The following WWOX variants were observed in gnomAD, a reference collection of about 807,000 sequenced individuals.
The protein encoded by WWOX is WW domain containing oxidoreductase.
A neutral mutation model predicts 46.2 loss-of-function variants in WWOX; 69 were observed. That is an observed-to-expected ratio of 1.49 (90% CI 1.23 to 1.82). The LOEUF (loss-of-function observed/expected upper bound fraction) is 1.82, where lower values mean the gene tolerates loss of function less well. Among genes scored for constraint, WWOX ranks in the 40% most tolerant of loss-of-function variants. WWOX has a pLI of 0.00. For synonymous variants in WWOX, 359 were observed against 202.6 expected (o/e 1.77, Z -6.56); for missense variants, 919 against 542.6 (o/e 1.69, Z -6.89).
intron 5 of WWOX, among the ~76,000 whole-genome samples, chr16:78,364,224 T>G (rs2081480246): frequency 6.6e-6 from 1 of 152,216 alleles, no homozygotes; most frequent in Non-Finnish European, 1.5e-5. Context: ...GCTTCTGGTA[T>G]ATTTTCTTAC....
chr16:78,621,581 G>A (rs998618577), intron 8 of WWOX, among the ~76,000 whole-genome samples: 1 of 68,866 alleles, frequency 1.5e-5, no homozygotes, highest in African/African-American at 5.5e-5. Context: ...TTAACCTTGT[G>A]TTGTTCTAAT....
At chr16:79,137,760 C>A (rs917214571) in intron 8 of WWOX, among the ~76,000 whole-genome samples, 1 of 152,064 alleles carries the variant, frequency 6.6e-6, no homozygotes, top group Admixed American at 6.5e-5. Context: ...TGGCCTCTGT[C>A]CCCTCTGTGT....
intron 8 of WWOX, among the ~76,000 whole-genome samples, chr16:78,562,303 T>C (rs1567646168): frequency 6.6e-6 from 1 of 152,200 alleles, no homozygotes; most frequent in Non-Finnish European, 1.5e-5. Context: ...GCTCACTTTA[T>C]CTCAAAAACC....
intron 4 of WWOX, among the ~76,000 whole-genome samples, chr16:78,128,779 A>G (rs1049906079): frequency 6.6e-6 from 1 of 151,820 alleles, no homozygotes; most frequent in African/African-American, 2.4e-5. Context: ...ATCTTGCAAT[A>G]TAATGTCTTC....
intron 8 of WWOX, among the ~76,000 whole-genome samples, chr16:78,457,416 G>A (rs16947560): frequency 0.18 from 28,049 of 152,078 alleles, 3,740 homozygotes; most frequent in African/African-American, 0.37. Flanking sequence ...GTATTGCTTC[G>A]TGTCTTCCAC....
intron 8 of WWOX, among the ~76,000 whole-genome samples, chr16:78,797,009 A>C (rs2050756249): frequency 6.6e-6 from 1 of 151,870 alleles, no homozygotes. Context: ...TATTTTTAGT[A>C]GTGCCGGGGT....
At chr16:78,845,537 T>C (rs1416736374) in intron 8 of WWOX, among the ~76,000 whole-genome samples, 1 of 152,216 alleles carries the variant, frequency 6.6e-6, no homozygotes, top group Non-Finnish European at 1.5e-5. Flanking sequence ...AAAGAAAGTG[T>C]AATTTTCCCC....
At chr16:79,100,699 G>C (rs1242457435) in intron 8 of WWOX, among the ~76,000 whole-genome samples, 3 of 152,204 alleles carry the variant, frequency 2.0e-5, no homozygotes, top group South Asian at 4.2e-4. Flanking sequence ...TCAGCCTAAG[G>C]GGGTGCTTCA....
chr16:78,404,476 C>A (rs764801632), intron 6 of WWOX, among the ~76,000 whole-genome samples: 4 of 152,068 alleles, frequency 2.6e-5, no homozygotes, highest in Non-Finnish European at 5.9e-5. Context: ...AATAATGCCA[C>A]CCCAACCCTC....
intron 8 of WWOX, among the ~76,000 whole-genome samples, chr16:78,493,733 A>G (rs2151464903): frequency 6.6e-6 from 1 of 152,252 alleles, no homozygotes; most frequent in South Asian, 2.1e-4. Flanking sequence ...TCTTACCCCC[A>G]TTGTAGAGAT....
chr16:78,590,909 G>A (rs1435007816), intron 8 of WWOX, among the ~76,000 whole-genome samples: 1 of 152,176 alleles, frequency 6.6e-6, no homozygotes, highest in African/African-American at 2.4e-5. Context: ...AGGACACTGT[G>A]CATTTCTAAA....
intron 7 of WWOX, among the ~76,000 whole-genome samples, chr16:78,431,691 C>CTTTTTTTT (rs200599534): frequency 7.0e-6 from 1 of 143,586 alleles, no homozygotes; most frequent in Non-Finnish European, 1.5e-5. Context: ...GTAGCCAATC[C>CTTTTTTTT]TTTTTTTTTT....
At chr16:79,122,669 T>G (rs1290224396) in intron 8 of WWOX, among the ~76,000 whole-genome samples, 1 of 152,074 alleles carries the variant, frequency 6.6e-6, no homozygotes, top group African/African-American at 2.4e-5. Flanking sequence ...TTAATTTGTT[T>G]TTGGGTCTGC....
At chr16:78,106,441 A>C (rs1235374182) in intron 1 of WWOX, among the ~76,000 whole-genome samples, 1 of 53,694 alleles carries the variant, frequency 1.9e-5, no homozygotes, top group Non-Finnish European at 4.2e-5. Flanking sequence ...TTTTTTTTTG[A>C]GATGGAGTTT....
intron 8 of WWOX, among the ~76,000 whole-genome samples, chr16:78,638,413 A>T (rs72792792): frequency 0.052 from 7,852 of 149,708 alleles, 283 homozygotes; most frequent in Non-Finnish European, 0.077. Context: ...AACCGCTACC[A>T]CCTTCCACCA....
At chr16:78,687,996 G>A (rs1244026933) in intron 8 of WWOX, among the ~76,000 whole-genome samples, 1 of 152,098 alleles carries the variant, frequency 6.6e-6, no homozygotes, top group Admixed American at 6.6e-5. Context: ...TACTTGGTTT[G>A]CTGCCAATTG....
At position 79,093,471 on chromosome 16, in the gene WWOX, G is replaced by T. The variant is rs76194926; in HGVS notation, c.1057-118137G>T. Reference sequence around the variant, plus strand: ...TAGAGCTTTTATTTGCCTAAAAATTGTGCTTGCAATATATATGATGATTTT... The same window carrying T: ...TAGAGCTTTTATTTGCCTAAAAATTTTGCTTGCAATATATATGATGATTTT... On this transcript the variant is annotated intron_variant, in intron 8 of 8. Coordinates refer to ENST00000566780, the MANE Select transcript of WWOX (RefSeq NM_016373.4). 6.6e-3 allele frequency among the ~76,000 whole-genome samples: 1,008 copies of T among 152,188 alleles called. 5 individuals are homozygous for T. The highest frequency in any genetic ancestry group is 0.02 in the African/African-American group (845 of 41,510).
At position 78,525,608 on chromosome 16, in the gene WWOX, A is replaced by T. The variant is rs1266202788; in HGVS notation, c.1056+92856A>T. 2.0e-5 allele frequency: 3 copies of T among 152,292 alleles called. No homozygotes were observed. The East Asian group carries it at 5.8e-4, about 29-fold the overall frequency. 9.4% of individuals were successfully genotyped at this position (152,292 alleles called of 1,614,324 possible). ...TAGCATCCACTGCATTTTGTAGGGGACAATAACAAAGAAGATGCCAGCAAT... is the reference window on the plus strand; with the variant it reads ...TAGCATCCACTGCATTTTGTAGGGGTCAATAACAAAGAAGATGCCAGCAAT... On this transcript the variant is annotated intron_variant, in intron 8 of 8. Transcript: ENST00000566780.
rs113059724 is a variant in WWOX, at chr16:78,126,999, C to T, written c.409+11845C>T. Among the ~76,000 whole-genome samples, 13 of 152,270 alleles carry T rather than the reference C, an allele frequency of 8.5e-5. 1 individual carries two copies. Among genetic ancestry groups the T allele is most frequent in the African/African-American group, 1.9e-4 (8 of 41,548 alleles). On this transcript the variant is annotated intron_variant, in intron 4 of 8. Transcript: ENST00000566780. ...ATTGTACCATTGCTGAAAATAGCTT[C>T]GCTGACAGTTAGGGCAAGCTTCATT... is the stretch of plus-strand genomic sequence containing the variant.
Sources: gnomAD v4.1 joint callset for allele counts (sites outside exome capture counted in the v4.1 genomes callset) on GRCh38, gnomAD v4.1.1 for gene constraint, MANE v1.5 for transcripts, NCBI Gene and HGNC (gene_info 2026-07-23, HGNC 2026-07-21) for gene names.